Variants in ABCG1 observed in about 807,000 individuals in gnomAD.
ABCG1 encodes the protein ATP binding cassette subfamily G member 1.
ABCG1 carries 29 observed loss-of-function variants against 69.2 expected under a neutral mutation model. The observed-to-expected ratio is 0.42, with a 90% confidence interval of 0.31 to 0.57. The LOEUF is 0.57. ABCG1 is among the 20% of genes least tolerant of loss of function. The probability of loss-of-function intolerance (pLI) is 0.15; values close to 1 mark genes in which losing one functional copy is unlikely to be tolerated. For synonymous variants in ABCG1, 370 were observed against 374.8 expected (o/e 0.99, Z 0.15); for missense variants, 718 against 898.1 (o/e 0.80, Z 2.56).
intron 2 of ABCG1, among the ~76,000 whole-genome samples, chr21:42,266,084 GA>G (rs1454894192): frequency 6.6e-6 from 1 of 152,106 alleles, no homozygotes; most frequent in Admixed American, 6.5e-5. Flanking sequence ...GGCGGATCAC[GA>G]GGTCAGGAGA....
chr21:42,296,329 C>T lies in ABCG1; in HGVS notation c.1938C>T (p.Phe646=). The part of the protein sequence containing the change: ...LYLDFIVLGI[F]FISLRLIAYF... ...TGGACTTCATCGTACTCGGGATTTT[C>T]TTCATCTCCCTCCGCCTCATTGCCT... Residue 646 remains phenylalanine, a synonymous_variant, in exon 15 of 15, where the codon TTC becomes TTT. Transcript: ENST00000398449. The surrounding 1 kb of genome is among the most constrained non-coding windows in gnomAD (Gnocchi z 5.4). 2 of 1,614,180 alleles carry T rather than the reference C, an allele frequency of 1.2e-6. No individual in the cohort carries two copies. Among genetic ancestry groups the T allele is most frequent in the Non-Finnish European group, 1.7e-6 (2 of 1,180,050 alleles).
chr21:42,270,918 A>G lies in ABCG1; in HGVS notation c.287-152A>G, dbSNP rs868470577. 5.9e-6 allele frequency: 3 copies of G among 509,348 alleles called. No individual in the cohort carries two copies. The Middle Eastern group carries it at 9.9e-4, about 168-fold the overall frequency. The allele number at this position is 509,348 out of a possible 1,614,324, so 31.6% of individuals were successfully genotyped here. ...ACGTAGACCAGGGAATTCGAAAGAC[A>G]TGAAGTTCATGTTCTTCCCTGGAAT... On this transcript the variant is annotated intron_variant, in intron 2 of 14. Coordinates refer to ENST00000398449, the MANE Select transcript of ABCG1 (RefSeq NM_016818.3).
intron 13 of ABCG1, among the ~76,000 whole-genome samples, chr21:42,293,017 C>CACT (rs2069103697): frequency 7.0e-6 from 1 of 142,508 alleles, no homozygotes; most frequent in Admixed American, 7.0e-5. Context: ...ACACACTACA[C>CACT]ACACACCACA....
At chr21:42,217,679 C>CT (rs71190409), upstream of ABCG1, among the ~76,000 whole-genome samples, 1,252 of 61,636 alleles carry the variant, frequency 0.02, 297 homozygotes, top group East Asian at 0.035. Context: ...TGGATCTACT[C>CT]TTTTTTTTTT....
chr21:42,271,211 A>G (rs1467752849), intron 3 of ABCG1, 24 bp downstream of exon 3: 2 of 1,466,040 alleles, frequency 1.4e-6, no homozygotes, highest in Admixed American at 5.0e-5. Context: ...CCCAGGGCGC[A>G]AAGTTCTCTC....
chr21:42,248,024 G>A (rs185565748), intron 2 of ABCG1, among the ~76,000 whole-genome samples: 2 of 152,254 alleles, frequency 1.3e-5, no homozygotes, highest in Admixed American at 6.5e-5. Flanking sequence ...TTTTCTTGGG[G>A]CAGCCTGAGG....
rs1336657188 is a variant in ABCG1 at position 42,289,941 on chromosome 21, G to A, written c.1225-109G>A. On this transcript the variant is annotated intron_variant, in intron 10 of 14. Transcript: ENST00000398449. ...GAAGACAGGATAAAGTCTAAGACGT[G>A]CTGTCACAGAGTTCAGGGTCCCATG... 10 of 1,231,570 alleles carry A rather than the reference G, an allele frequency of 8.1e-6. No individual in the cohort carries two copies. In the East Asian group the frequency reaches 2.2e-4, roughly 27 times the overall value. 76.3% of individuals were successfully genotyped at this position (1,231,570 alleles called of 1,614,324 possible). A position where few individuals can be genotyped will look rare whatever the true frequency, so the allele number is the denominator to read the frequency against.
rs1601425283 is a variant in ABCG1, at chr21:42,273,339, C to T, written c.441C>T (p.Gly147=). Reference sequence around the variant, plus strand: ...TGAAGGGGGCCGTCCTCATCAACGGCCTGCCCCGGGACCTGCGCTGCTTCC... The same window carrying T: ...TGAAGGGGGCCGTCCTCATCAACGGTCTGCCCCGGGACCTGCGCTGCTTCC... ...TGMKGAVLIN[G]LPRDLRCFRK... The change falls in exon 4 of 15, where the codon GGC becomes GGT. Residue 147 remains glycine, a synonymous_variant. Coordinates refer to ENST00000398449, the MANE Select transcript of ABCG1 (RefSeq NM_016818.3). The surrounding 1 kb of genome is among the most constrained non-coding windows in gnomAD (Gnocchi z 5.3). 3 of 1,613,790 alleles carry T rather than the reference C, an allele frequency of 1.9e-6. No homozygotes were observed. The highest frequency in any genetic ancestry group is 2.2e-5 in the East Asian group (1 of 44,880).
intron 7 of ABCG1, 100 bp from the exon 8 acceptor site, chr21:42,285,780 A>G (rs943594541): frequency 3.6e-6 from 3 of 823,262 alleles, no homozygotes; most frequent in Non-Finnish European, 6.3e-6. Context: ...GGGCTGACTG[A>G]TTGATCGGTT....
intron 2 of ABCG1, among the ~76,000 whole-genome samples, chr21:42,205,854 T>C (rs2067538746): frequency 6.6e-6 from 1 of 152,238 alleles, no homozygotes; most frequent in Admixed American, 6.5e-5. Flanking sequence ...ACTGTTTTAG[T>C]TGTGTCCCAC....
chr21:42,232,592 T>C (rs1305224651), intron 2 of ABCG1, among the ~76,000 whole-genome samples: 1 of 152,212 alleles, frequency 6.6e-6, no homozygotes, highest in Admixed American at 6.5e-5. Flanking sequence ...TGTGCTCTGC[T>C]CCGTGGGGGT....
chr21:42,236,288 T>G (rs1656931258), intron 2 of ABCG1, among the ~76,000 whole-genome samples: 1 of 152,266 alleles, frequency 6.6e-6, no homozygotes, highest in South Asian at 2.1e-4. Flanking sequence ...AGATGACAGC[T>G]GAACTTTACG....
In ABCG1 at chr21:42,225,763, G is replaced by C; in HGVS notation, c.135G>C (p.Glu45Asp). 1 of 1,614,086 alleles carries C rather than the reference G, an allele frequency of 6.2e-7. No individual in the cohort carries two copies. Among genetic ancestry groups the C allele is most frequent in the Non-Finnish European group, 8.5e-7 (1 of 1,180,038 alleles). The change falls in exon 2 of 15, where the codon GAG (glutamate) becomes GAC (aspartate). Residue 45 changes from glutamate (E) to aspartate (D), a missense_variant. Transcript: ENST00000398449. ...TGTCCAGCAACATGGAGGCCACTGA[G>C]ACGGACCTGCTGAATGGACATCTGA... Reference protein sequence around the residue: ...EVVSSNMEATETDLLNGHLKK... With the variant: ...EVVSSNMEATDTDLLNGHLKK...
At chr21:42,238,259 G>A (rs567723296) in intron 2 of ABCG1, among the ~76,000 whole-genome samples, 14 of 152,278 alleles carry the variant, frequency 9.2e-5, no homozygotes, top group African/African-American at 3.4e-4. Context: ...GTGGCCGGAA[G>A]CAGTGAGGGC....
At chr21:42,282,021 TTGCACAGCCTCTGGGCAG>T (rs1004760448) in intron 5 of ABCG1, among the ~76,000 whole-genome samples, 3 of 152,238 alleles carry the variant, frequency 2.0e-5, no homozygotes, top group Admixed American at 2.0e-4. Flanking sequence ...CCCAGCACTG[TTGCACAGCCTCTGGGCAG>T]TGCAGAGCCT....
chr21:42,210,545 C>T (rs577024459), intron 2 of ABCG1, among the ~76,000 whole-genome samples: 1 of 152,314 alleles, frequency 6.6e-6, no homozygotes, highest in African/African-American at 2.4e-5. Context: ...CTAGATCTTT[C>T]CCAGCCACTC....
intron 2 of ABCG1, among the ~76,000 whole-genome samples, chr21:42,268,980 G>A (rs1224141332): frequency 6.6e-6 from 1 of 152,204 alleles, no homozygotes; most frequent in Non-Finnish European, 1.5e-5. Context: ...CTCAGAGGCT[G>A]TGCCCAGAAA....
At chr21:42,282,727 G>A (rs1366680463) in intron 6 of ABCG1, among the ~76,000 whole-genome samples, 2 of 152,250 alleles carry the variant, frequency 1.3e-5, no homozygotes, top group Non-Finnish European at 2.9e-5. Context: ...CCACTCTGAG[G>A]GCCAAGGTCA....
chr21:42,287,932 G>T lies in ABCG1; in HGVS notation c.1017G>T (p.Arg339=), dbSNP rs1197836915. Residue 339 remains arginine, a synonymous_variant, in exon 9 of 15, where the codon CGG becomes CGT. Coordinates refer to ENST00000398449, the MANE Select transcript of ABCG1 (RefSeq NM_016818.3). This position sits in a 1 kb window ranked among gnomAD's most constrained non-coding sequence, Gnocchi z 6.2. The stretch of plus-strand genomic sequence containing the variant: ...GCGAGTACGGTGATCAGAACAGTCG[G>T]CTGGTGAGAGCGGTTCGGGAGGGCA... ...ASGEYGDQNS[R]LVRAVREGMC... 5.0e-6 allele frequency: 8 copies of T among 1,611,812 alleles called. No homozygotes were observed. The highest frequency in any genetic ancestry group is 5.9e-6 in the Non-Finnish European group (7 of 1,178,604).
Sources: gnomAD v4.1 joint callset for allele counts (sites outside exome capture counted in the v4.1 genomes callset) on GRCh38, gnomAD v4.1.1 for gene constraint, Gnocchi (gnomAD v3.1) non-coding constraint, MANE v1.5 for transcripts, NCBI Gene and HGNC (gene_info 2026-07-23, HGNC 2026-07-21) for gene names.